Variants in PLCB1 observed in about 807,000 individuals in gnomAD.
PLCB1 encodes the protein 1-phosphatidylinositol 4,5-bisphosphate phosphodiesterase beta-1.
Under a neutral mutation model 161.8 loss-of-function variants are expected in PLCB1, and 46 were observed. The observed-to-expected ratio is 0.28, with a 90% confidence interval of 0.22 to 0.36. The LOEUF is 0.36. Among genes scored for constraint, PLCB1 ranks in the 10% least tolerant of loss-of-function variants. PLCB1 has a pLI of 1.00. For synonymous variants in PLCB1, 517 were observed against 503.7 expected, an observed-to-expected ratio of 1.03 and a Z score of -0.35; for missense variants, 1,016 against 1,472.5, an observed-to-expected ratio of 0.69 and a Z score of 5.07.
intron 2 of PLCB1, among the ~76,000 whole-genome samples, chr20:8,182,977 T>TA (rs1174049925): frequency 2.0e-5 from 1 of 50,180 alleles, no homozygotes; most frequent in South Asian, 9.8e-4. Context: ...CTCTTCTGGT[T>TA]AAAAAAGAAC....
chr20:8,688,035 G>A (rs1037762730), intron 10 of PLCB1, among the ~76,000 whole-genome samples: 3 of 152,176 alleles, frequency 2.0e-5, no homozygotes, highest in African/African-American at 7.2e-5. Context: ...ATTGTTGCAA[G>A]AGTAAGGTGG....
intron 2 of PLCB1, among the ~76,000 whole-genome samples, chr20:8,286,684 G>T (rs1191253478): frequency 6.6e-6 from 1 of 152,074 alleles, no homozygotes; most frequent in Non-Finnish European, 1.5e-5. Flanking sequence ...AACAGTTATT[G>T]TCTACTATAT....
intron 2 of PLCB1, among the ~76,000 whole-genome samples, chr20:8,173,521 G>A (rs773754121): frequency 1.1e-4 from 17 of 152,158 alleles, no homozygotes; most frequent in African/African-American, 1.7e-4. Context: ...AAACCAGGGT[G>A]ACTACCTGCT....
intron 3 of PLCB1, among the ~76,000 whole-genome samples, chr20:8,518,093 A>C (rs6086480): frequency 0.19 from 29,551 of 151,850 alleles, 3,041 homozygotes; most frequent in African/African-American, 0.24. Context: ...GAGGCAGGAG[A>C]ATCGCTTGAA....
rs746878142 is a variant in PLCB1, at chr20:8,774,588, C to T, written c.2980C>T (p.Leu994Phe). 6 of 1,613,724 alleles carry T rather than the reference C, an allele frequency of 3.7e-6. No homozygotes were observed. The highest frequency in any genetic ancestry group is 4.2e-6 in the Non-Finnish European group (5 of 1,179,794). ...TGGTTCATCAACGATTGAGCAAGAC[C>T]TCGCTGCTCTGGATGCTGAAATGAC... ...DHGSSTIEQD[L>F]AALDAEMTQK... is the part of the protein sequence containing the mutation. Residue 994 changes from leucine (L) to phenylalanine (F), a missense_variant, in exon 27 of 32, where the codon CTC becomes TTC. By Grantham distance (22) the Leu-to-Phe change is conservative. Around this residue, in one of 10 missense-constraint regions of PLCB1, gnomAD observed 398 missense variants for 445.4 expected, o/e 0.89. Coordinates refer to ENST00000338037, the MANE Select transcript of PLCB1 (RefSeq NM_015192.4).
intron 31 of PLCB1, among the ~76,000 whole-genome samples, chr20:8,851,282 T>C (rs1169130761): frequency 6.6e-6 from 1 of 152,222 alleles, no homozygotes; most frequent in African/African-American, 2.4e-5. Flanking sequence ...TGCTTTTCAC[T>C]CTTTTTCTTT....
intron 3 of PLCB1, among the ~76,000 whole-genome samples, chr20:8,589,740 C>G (rs1287709515): frequency 1.3e-5 from 2 of 151,222 alleles, no homozygotes; most frequent in Non-Finnish European, 1.5e-5. Flanking sequence ...CTCAGCCTTC[C>G]AAGTGACTGG....
intron 3 of PLCB1, among the ~76,000 whole-genome samples, chr20:8,424,721 A>G (rs1162019572): frequency 6.6e-6 from 1 of 152,234 alleles, no homozygotes; most frequent in Non-Finnish European, 1.5e-5. Flanking sequence ...ACTTAGAAAG[A>G]TCATGTTAAC....
chr20:8,762,162 G>T (rs558430677), intron 25 of PLCB1, among the ~76,000 whole-genome samples: 4 of 152,132 alleles, frequency 2.6e-5, no homozygotes, highest in East Asian at 2.0e-4. Flanking sequence ...GTGAGCCAAG[G>T]TTGCGCCATT....
rs1555811645 is a variant in PLCB1 at position 8,495,564 on chromosome 20, A to AG, written c.246+124114_246+124115insG. 3.0e-3 allele frequency among the ~76,000 whole-genome samples: 452 copies of AG among 151,142 alleles called. 1 individual carries two copies. The highest frequency in any genetic ancestry group is 0.01 in the Middle Eastern group (3 of 294). On this transcript the variant is annotated intron_variant, in intron 3 of 31. Coordinates refer to ENST00000338037, the MANE Select transcript of PLCB1 (RefSeq NM_015192.4). ...AGGCGCCCGCCACCATGGCCGGCTAATTTTTTGTATTTTTAGTAGAGACGG... is the reference window on the plus strand; with the variant it reads ...AGGCGCCCGCCACCATGGCCGGCTAAGTTTTTTGTATTTTTAGTAGAGACGG...
intron 2 of PLCB1, among the ~76,000 whole-genome samples, chr20:8,233,085 A>T (rs1461887844): frequency 2.0e-5 from 3 of 152,154 alleles, no homozygotes; most frequent in African/African-American, 7.2e-5. Context: ...GGCCAGTTAG[A>T]TGGATTGAGA....
chr20:8,145,061 C>T (rs2051440002), intron 1 of PLCB1, among the ~76,000 whole-genome samples: 1 of 152,158 alleles, frequency 6.6e-6, no homozygotes, highest in South Asian at 2.1e-4. Context: ...TTTACTAAGA[C>T]TTCCATAGCA....
chr20:8,469,569 T>A (rs1354217742), intron 3 of PLCB1, among the ~76,000 whole-genome samples: 1 of 151,896 alleles, frequency 6.6e-6, no homozygotes, highest in Non-Finnish European at 1.5e-5. Flanking sequence ...GCTTCTTTTT[T>A]AAAAAAAAGT....
At chr20:8,707,630 A>G (rs1233306222) in intron 11 of PLCB1, among the ~76,000 whole-genome samples, 1 of 152,196 alleles carries the variant, frequency 6.6e-6, no homozygotes, top group Non-Finnish European at 1.5e-5. Context: ...TTCTTAAATC[A>G]AGAATTCCCC....
intron 19 of PLCB1, among the ~76,000 whole-genome samples, chr20:8,734,468 A>G (rs1980477231): frequency 6.6e-6 from 1 of 151,936 alleles, no homozygotes; most frequent in Non-Finnish European, 1.5e-5. Flanking sequence ...CAGAGTATTC[A>G]GAGATTTTAA....
chr20:8,171,407 TTTG>T (rs557721381), intron 2 of PLCB1, among the ~76,000 whole-genome samples: 30 of 152,224 alleles, frequency 2.0e-4, no homozygotes, highest in African/African-American at 6.7e-4. Flanking sequence ...TGTTATGTTT[TTTG>T]TTGTTGTTGT....
intron 3 of PLCB1, among the ~76,000 whole-genome samples, chr20:8,591,320 A>T (rs1036899552): frequency 6.6e-6 from 1 of 152,204 alleles, no homozygotes; most frequent in African/African-American, 2.4e-5. Context: ...TCTGCCTACC[A>T]CATGGGTTTA....
At chr20:8,853,421 AAC>A (rs138913444) in intron 31 of PLCB1, among the ~76,000 whole-genome samples, 2,391 of 152,326 alleles carry the variant, frequency 0.016, 29 homozygotes, top group Middle Eastern at 0.037. Context: ...GATGTCAGTC[AAC>A]ACAGAGATTA....
chr20:8,658,514 T>A, intron 8 of PLCB1, 24 bp from the exon 9 acceptor site: 1 of 1,548,558 alleles, frequency 6.5e-7, no homozygotes, highest in Non-Finnish European at 8.7e-7. Flanking sequence ...AAATTCTTAT[T>A]GCTTGGTTTT....
Sources: allele counts gnomAD v4.1 joint callset (sites outside exome capture counted in the v4.1 genomes callset), GRCh38; gene constraint gnomAD v4.1.1; regional missense constraint gnomAD v4.1.1; transcripts MANE v1.5; gene names NCBI Gene and HGNC (gene_info 2026-07-23, HGNC 2026-07-21).